ADNP: variants seen among roughly 807,000 people sequenced by gnomAD.
The protein encoded by ADNP is activity dependent neuroprotector homeobox, also known as activity-dependent neuroprotector homeobox protein.
ADNP carries 4 observed loss-of-function variants against 84.9 expected under a neutral mutation model. That is an observed-to-expected ratio of 0.05 (90% CI 0.02 to 0.11). The LOEUF (loss-of-function observed/expected upper bound fraction) is 0.11. Among genes scored for constraint, ADNP ranks in the 10% least tolerant of loss-of-function variants. The probability of loss-of-function intolerance (pLI) is 1.00; values close to 1 mark genes in which losing one functional copy is unlikely to be tolerated. For synonymous variants in ADNP, 554 were observed against 468.1 expected (o/e 1.18, Z -2.37); for missense variants, 1,132 against 1,326.0 (o/e 0.85, Z 2.27).
chr20:50,924,176 A>G (rs1231296726), intron 2 of ADNP, among the ~76,000 whole-genome samples: 1 of 152,260 alleles, frequency 6.6e-6, no homozygotes, highest in Non-Finnish European at 1.5e-5. Flanking sequence ...TGCTCAGGAC[A>G]GACTGACTGT....
rs1600931566 is a variant in ADNP, at chr20:50,893,021, G to A, written c.1693C>T (p.Leu565=). ...TCCCTCAGATTGTATGTAGTTACCA[G>A]GAGATGGATGTTAGTGTGACTACCC... ...QQGSHTNIHL[L]VTTYNLRDAP... Residue 565 remains leucine (L), a synonymous_variant, in exon 6 of 6, where the codon CTG becomes TTG. Coordinates refer to ENST00000621696, the MANE Select transcript of ADNP (RefSeq NM_001282531.3). The surrounding 1 kb of genome is among the most constrained non-coding windows in gnomAD (Gnocchi z 4.4). 6.2e-7 allele frequency: 1 copy of A among 1,614,204 alleles called. No individual in the cohort carries two copies. Among genetic ancestry groups the A allele is most frequent in the Non-Finnish European group, 8.5e-7 (1 of 1,180,042 alleles).
chr20:50,915,371 C>A (rs977172086), intron 2 of ADNP, among the ~76,000 whole-genome samples: 31 of 152,090 alleles, frequency 2.0e-4, no homozygotes, highest in South Asian at 1.0e-3. Context: ...TGCCATTAAG[C>A]CCTACATTTA....
intron 5 of ADNP, 38 bp downstream of exon 5, chr20:50,901,979 G>A (rs775704519): frequency 1.4e-6 from 2 of 1,458,158 alleles, no homozygotes; most frequent in East Asian, 4.5e-5. Context: ...AGTATACCAA[G>A]CATGCTGCCA....
intron 2 of ADNP, among the ~76,000 whole-genome samples, chr20:50,907,445 T>A (rs963585740): frequency 2.6e-5 from 4 of 151,960 alleles, no homozygotes; most frequent in African/African-American, 9.7e-5. Context: ...TTTTGTATTT[T>A]TAATAGAGAC....
At chr20:50,910,900 C>T (rs985535641) in intron 2 of ADNP, among the ~76,000 whole-genome samples, 4 of 152,146 alleles carry the variant, frequency 2.6e-5, no homozygotes, top group Non-Finnish European at 4.4e-5. Flanking sequence ...GTGATCTTCC[C>T]ACCTCGGCCC....
intron 2 of ADNP, among the ~76,000 whole-genome samples, chr20:50,920,286 A>G (rs778623912): frequency 1.5e-3 from 197 of 132,196 alleles, no homozygotes; most frequent in Non-Finnish European, 2.5e-3. Context: ...AAAAAAAAAG[A>G]AAGAAAGAAA....
intron 2 of ADNP, among the ~76,000 whole-genome samples, chr20:50,907,771 T>C (rs145626638): frequency 2.0e-5 from 3 of 150,500 alleles, no homozygotes; most frequent in Admixed American, 2.0e-4. Context: ...GTGTGTGTGT[T>C]TTTTTTTGTA....
intron 5 of ADNP, among the ~76,000 whole-genome samples, chr20:50,896,961 G>A (rs980926725): frequency 5.9e-5 from 9 of 152,160 alleles, no homozygotes; most frequent in African/African-American, 2.2e-4. Context: ...TGTTTGAGAT[G>A]CAGTTTTTTT....
rs1371171170 is a variant in ADNP, at chr20:50,892,527, T to C, written c.2187A>G (p.Lys729=). 4 of 1,614,136 alleles carry C rather than the reference T, an allele frequency of 2.5e-6. No individual in the cohort carries two copies. The highest frequency in any genetic ancestry group is 3.4e-6 in the Non-Finnish European group (4 of 1,180,032). The change falls in exon 6 of 6, where the codon AAA becomes AAG. Residue 729 remains lysine (K), a synonymous_variant. Transcript: ENST00000621696. ...YEQMEFPLLK[K]RKLDDDSDSP... ...AATCACTATCATCATCTAACTTTCG[T>C]TTTTTCAGTAAGGGAAATTCCATTT...
rs542268869 is a variant in ADNP at position 50,929,883 on chromosome 20, T to C, written c.-265+943A>G. ...TGTGAAATGGGGTTATGGCAAGAAG[T>C]GTCCAGAGTAACTGGTAAATTCAAG... On this transcript the variant is annotated intron_variant, in intron 1 of 5. Coordinates refer to ENST00000621696, the MANE Select transcript of ADNP (RefSeq NM_001282531.3). Among the ~76,000 whole-genome samples the C allele has an allele frequency of 3.7e-3, 561 of 152,248 alleles. 7 individuals are homozygous for C. The highest frequency in any genetic ancestry group is 0.024 in the Middle Eastern group (7 of 294).
At position 50,894,125 on chromosome 20, in the gene ADNP, T is replaced by C. The variant is rs750879561; in HGVS notation, c.589A>G (p.Ile197Val). 48 of 1,614,078 alleles carry C rather than the reference T, an allele frequency of 3.0e-5. 1 individual carries two copies. Among genetic ancestry groups the C allele is most frequent in the Middle Eastern group, 3.3e-4 (2 of 6,084 alleles). The change falls in exon 6 of 6, where the codon ATA becomes GTA. Residue 197 changes from isoleucine to valine, a missense_variant. Physicochemically the swap from Ile to Val is conservative, Grantham distance 29. This residue lies in a region of ADNP where 130 missense variants were observed against 183.7 expected (regional missense o/e 0.71). Transcript: ENST00000621696. ...AGTGATTTTTCTCCTGCCTTTGCTA[T>C]GTAAGGTGCTGCCACATGCTGAAAA... ...EHFQHVAAPY[I>V]AKAGEKSLNG... is the part of the protein sequence containing the mutation.
intron 2 of ADNP, among the ~76,000 whole-genome samples, chr20:50,919,033 C>T (rs765680473): frequency 6.6e-5 from 10 of 152,084 alleles, no homozygotes; most frequent in Non-Finnish European, 1.2e-4. Flanking sequence ...AGATTTAGTA[C>T]AATATCACCT....
chr20:50,903,750 A>T (rs1982212409), intron 4 of ADNP, 139 bp downstream of exon 4: 2 of 651,866 alleles, frequency 3.1e-6, no homozygotes, highest in East Asian at 5.5e-5. Context: ...AGTTAATGCT[A>T]TTGAGAATGT....
chr20:50,908,013 C>A (rs1982657027), intron 2 of ADNP, among the ~76,000 whole-genome samples: 1 of 152,184 alleles, frequency 6.6e-6, no homozygotes, highest in Non-Finnish European at 1.5e-5. Context: ...TCCATAATCT[C>A]CCTTTCTCCA....
intron 2 of ADNP, among the ~76,000 whole-genome samples, chr20:50,906,845 G>C (rs1035093607): frequency 1.3e-5 from 2 of 152,094 alleles, no homozygotes; most frequent in Non-Finnish European, 2.9e-5. Flanking sequence ...GAATTTAAAA[G>C]GCTTATAAAT....
At chr20:50,896,736 C>T (rs62205203) in intron 5 of ADNP, among the ~76,000 whole-genome samples, 2,761 of 152,198 alleles carry the variant, frequency 0.018, 35 homozygotes, top group Non-Finnish European at 0.03. Flanking sequence ...TGCCATCTCC[C>T]ATGGTAACAA....
In ADNP at chr20:50,931,278, A is replaced by C. The variant is rs1984754556; in HGVS notation, c.-717T>G. ...GGGGGGGGGGGCGGGAGTTCAGCTC[A>C]TGGATCCCGGCGGGCGGCGGAGGGG... On this transcript the variant is annotated 5_prime_UTR_variant, in exon 1 of 6. An upstream start codon of the reference 5' UTR is lost. Transcript: ENST00000621696. The C allele has an allele frequency of 4.9e-5, 2 of 40,708 alleles. No individual in the cohort carries two copies. Among genetic ancestry groups the C allele is most frequent in the Admixed American group, 6.9e-4 (2 of 2,878 alleles). The allele number at this position is 40,708 out of a possible 1,614,324, so 2.5% of individuals were successfully genotyped here.
intron 2 of ADNP, among the ~76,000 whole-genome samples, chr20:50,910,313 T>C (rs967787336): frequency 1.3e-5 from 2 of 152,210 alleles, no homozygotes; most frequent in Admixed American, 6.5e-5. Context: ...GAATTAACAT[T>C]TGCAAGTATT....
At chr20:50,912,154 G>A (rs759862073) in intron 2 of ADNP, among the ~76,000 whole-genome samples, 6 of 152,126 alleles carry the variant, frequency 3.9e-5, no homozygotes, top group Non-Finnish European at 8.8e-5. Flanking sequence ...CTAAACTAGT[G>A]ATTTTCAAAC....
Sources: allele counts gnomAD v4.1 joint callset (sites outside exome capture counted in the v4.1 genomes callset), GRCh38; gene constraint gnomAD v4.1.1; regional missense constraint gnomAD v4.1.1; non-coding constraint Gnocchi (gnomAD v3.1); transcripts MANE v1.5; gene names NCBI Gene and HGNC (gene_info 2026-07-23, HGNC 2026-07-21).